Variants in FBXL17 observed in about 807,000 individuals in gnomAD.
The protein encoded by FBXL17 is F-box and leucine rich repeat protein 17.
In FBXL17, 22 loss-of-function variants were observed where a neutral mutation model predicts 66.2. The observed-to-expected ratio is 0.33, with a 90% CI of 0.24 to 0.47. The LOEUF (loss-of-function observed/expected upper bound fraction) is 0.47, where lower values mean the gene tolerates loss of function less well. Among genes scored for constraint, FBXL17 ranks in the 20% least tolerant of loss-of-function variants. FBXL17 has a pLI of 1.00. For missense variants in FBXL17, 878 were observed against 948.2 expected (o/e 0.93, Z 0.97); for synonymous variants, 474 against 400.5 (o/e 1.18, Z -2.19).
rs1248174665 is a variant in FBXL17, at chr5:108,004,156, AT to A, written c.1822+16768del. On this transcript the variant is annotated intron_variant, in intron 7 of 8. Coordinates refer to ENST00000542267, the MANE Select transcript of FBXL17 (RefSeq NM_001163315.3). The stretch of plus-strand genomic sequence containing the variant: ...GCAAGCCAGAAGACAGTGGGATAAT[AT>A]CTTCAAAATACACACAAAAAATTTA... Among the ~76,000 whole-genome samples, 17 of 152,342 alleles carry A rather than the reference AT, an allele frequency of 1.1e-4. 1 individual carries two copies. The highest frequency in any genetic ancestry group is 6.2e-4 in the South Asian group (3 of 4,826).
intron 7 of FBXL17, among the ~76,000 whole-genome samples, chr5:107,893,293 C>T (rs1749263795): frequency 6.6e-6 from 1 of 152,126 alleles, no homozygotes; most frequent in Non-Finnish European, 1.5e-5. Flanking sequence ...GAGCTTAAAC[C>T]ATGCACAAAA....
At chr5:108,143,606 A>G (rs373636438) in intron 6 of FBXL17, among the ~76,000 whole-genome samples, 1 of 151,862 alleles carries the variant, frequency 6.6e-6, no homozygotes, top group Non-Finnish European at 1.5e-5. Flanking sequence ...ATATTTAAGT[A>G]TATTTTGAAG....
At chr5:108,131,233 C>T (rs1269925399) in intron 6 of FBXL17, among the ~76,000 whole-genome samples, 4 of 152,098 alleles carry the variant, frequency 2.6e-5, no homozygotes, top group African/African-American at 4.8e-5. Context: ...TCTTAATAAA[C>T]GTGTTTCCTT....
intron 6 of FBXL17, among the ~76,000 whole-genome samples, chr5:108,132,658 G>A (rs1456715526): frequency 6.6e-6 from 1 of 151,808 alleles, no homozygotes; most frequent in East Asian, 1.9e-4. Context: ...GCATTTCAGT[G>A]GGCTTTCAGT....
intron 4 of FBXL17, among the ~76,000 whole-genome samples, chr5:108,239,419 C>G (rs1431214569): frequency 1.3e-5 from 2 of 152,192 alleles, no homozygotes; most frequent in Non-Finnish European, 1.5e-5. Context: ...TGCCATGACT[C>G]TGTGACCTTG....
chr5:108,302,809 G>A (rs1186250989), intron 4 of FBXL17, among the ~76,000 whole-genome samples: 2 of 151,652 alleles, frequency 1.3e-5, no homozygotes, highest in Admixed American at 1.3e-4. Flanking sequence ...AACCTATGTT[G>A]AAATACAAAT....
At chr5:108,365,391 C>G (rs949792071) in intron 2 of FBXL17, among the ~76,000 whole-genome samples, 1 of 151,936 alleles carries the variant, frequency 6.6e-6, no homozygotes, top group Non-Finnish European at 1.5e-5. Flanking sequence ...TGATAACTTT[C>G]AACACTACTT....
chr5:108,138,206 C>T (rs1019644117), intron 6 of FBXL17, among the ~76,000 whole-genome samples: 54 of 152,214 alleles, frequency 3.5e-4, no homozygotes, highest in African/African-American at 1.3e-3. Flanking sequence ...ACAAGGTCAA[C>T]CAAGAAAATA....
intron 7 of FBXL17, among the ~76,000 whole-genome samples, chr5:107,963,196 G>A (rs930766628): frequency 6.6e-6 from 1 of 152,066 alleles, no homozygotes; most frequent in East Asian, 1.9e-4. Flanking sequence ...GGGATTAGTC[G>A]AGGCATTAGA....
In FBXL17 at chr5:107,946,761, T is replaced by A. The variant is rs1751315091; in HGVS notation, c.1823-65582A>T. On this transcript the variant is annotated intron_variant, in intron 7 of 8. Transcript: ENST00000542267. ...GTAATATGCAGAATAGTGTATATAT[T>A]ATAGTACCACTTTGTAAAAAATAAA... Among the ~76,000 whole-genome samples the A allele has an allele frequency of 5.9e-5, 9 of 152,048 alleles. 1 individual carries two copies. Among genetic ancestry groups the A allele is most frequent in the Admixed American group, 5.2e-4 (8 of 15,256 alleles).
intron 4 of FBXL17, among the ~76,000 whole-genome samples, chr5:108,336,556 T>C (rs531526195): frequency 1.1e-4 from 16 of 152,174 alleles, no homozygotes; most frequent in South Asian, 1.0e-3. Flanking sequence ...TGTACAACCA[T>C]GTGAATGAAA....
intron 4 of FBXL17, among the ~76,000 whole-genome samples, chr5:108,228,527 C>A (rs1430874267): frequency 1.3e-5 from 2 of 152,118 alleles, no homozygotes; most frequent in African/African-American, 2.4e-5. Flanking sequence ...AGTACCTACC[C>A]CACAGGGTAA....
intron 6 of FBXL17, among the ~76,000 whole-genome samples, chr5:108,183,698 G>C (rs1157161811): frequency 6.6e-6 from 1 of 152,076 alleles, no homozygotes; most frequent in African/African-American, 2.4e-5. Flanking sequence ...CCCATAGGCA[G>C]TTTTTATCCC....
intron 6 of FBXL17, among the ~76,000 whole-genome samples, chr5:108,125,492 A>T (rs1351499987): frequency 6.6e-6 from 1 of 152,090 alleles, no homozygotes; most frequent in Admixed American, 6.6e-5. Context: ...TATCAGCTAG[A>T]ATTTAAGTTA....
intron 4 of FBXL17, among the ~76,000 whole-genome samples, chr5:108,233,782 T>C (rs190896391): frequency 1.3e-5 from 2 of 152,284 alleles, no homozygotes; most frequent in African/African-American, 4.8e-5. Context: ...GCCTGCATAA[T>C]GTCAACACAC....
chr5:107,908,585 T>A (rs1242146616), intron 7 of FBXL17, among the ~76,000 whole-genome samples: 1 of 152,134 alleles, frequency 6.6e-6, no homozygotes, highest in Non-Finnish European at 1.5e-5. Context: ...AGCTATGGAT[T>A]TATAGGTAGG....
chr5:107,899,336 G>C lies in FBXL17; in HGVS notation c.1823-18157C>G, dbSNP rs149867038. Reference sequence around the variant, plus strand: ...TCTGATCAACAGTAGGCCATCAGTAGTTAACTTGGGGGGAATCAAAGAGTT... The same window carrying C: ...TCTGATCAACAGTAGGCCATCAGTACTTAACTTGGGGGGAATCAAAGAGTT... On this transcript the variant is annotated intron_variant, in intron 7 of 8. Coordinates refer to ENST00000542267, the MANE Select transcript of FBXL17 (RefSeq NM_001163315.3). Among the ~76,000 whole-genome samples, 26 of 152,288 alleles carry C rather than the reference G, an allele frequency of 1.7e-4. No individual in the cohort carries two copies. In the East Asian group the frequency reaches 4.6e-3, roughly 27 times the overall value.
At chr5:108,259,626 G>A (rs1460436876) in intron 4 of FBXL17, among the ~76,000 whole-genome samples, 3 of 151,860 alleles carry the variant, frequency 2.0e-5, no homozygotes, top group South Asian at 2.1e-4. Context: ...AAAAAAATTC[G>A]AGAACTTCTA....
At chr5:108,174,967 C>T (rs1752739268) in intron 6 of FBXL17, among the ~76,000 whole-genome samples, 1 of 152,124 alleles carries the variant, frequency 6.6e-6, no homozygotes, top group Non-Finnish European at 1.5e-5. Context: ...GCATGTAATA[C>T]ATAACGCAAG....
Sources: allele counts gnomAD v4.1 joint callset (sites outside exome capture counted in the v4.1 genomes callset), GRCh38; gene constraint gnomAD v4.1.1; transcripts MANE v1.5; gene names NCBI Gene and HGNC (gene_info 2026-07-23, HGNC 2026-07-21).